Variants in RAD52 observed in about 807,000 individuals in gnomAD.
The protein encoded by RAD52 is DNA repair protein RAD52 homolog.
RAD52 carries 47 observed loss-of-function variants against 55.5 expected under a neutral mutation model. That is an observed-to-expected ratio of 0.85 (90% confidence interval 0.67 to 1.08). The LOEUF is 1.08. RAD52 is among the 50% of genes least tolerant of loss of function. RAD52 has a pLI of 0.00. For missense variants in RAD52, 468 were observed against 522.8 expected (o/e 0.90, Z 1.02); for synonymous variants, 184 against 198.9 (o/e 0.92, Z 0.63).
At chr12:955,778 GT>G (rs918829399) in intron 1 of RAD52, among the ~76,000 whole-genome samples, 35 of 149,952 alleles carry the variant, frequency 2.3e-4, no homozygotes, top group Non-Finnish European at 4.8e-4. Context: ...GGGCATTTTT[GT>G]TTTTTTTGTT....
intron 1 of RAD52, among the ~76,000 whole-genome samples, chr12:977,463 T>C (rs564340685): frequency 3.3e-5 from 5 of 152,348 alleles, no homozygotes; most frequent in African/African-American, 1.2e-4. Flanking sequence ...AACTCCACCA[T>C]TTCAAGTTCT....
At chr12:914,222 CT>C in intron 10 of RAD52, 101 bp from the exon 11 acceptor site, 1 of 1,306,464 alleles carries the variant, frequency 7.7e-7, no homozygotes, top group Non-Finnish European at 1.0e-6. Context: ...TCTTCAGTAC[CT>C]TCTGAAAGTT....
chr12:926,672 G>T, intron 6 of RAD52: 1 of 1,080,710 alleles, frequency 9.3e-7, no homozygotes, highest in Non-Finnish European at 1.3e-6. Flanking sequence ...ACAGTCCACA[G>T]AATCATAAGC....
At chr12:932,001 CTT>C (rs1957348130) in intron 2 of RAD52, among the ~76,000 whole-genome samples, 1 of 152,180 alleles carries the variant, frequency 6.6e-6, no homozygotes. Flanking sequence ...GCAAGAAACT[CTT>C]TTCTGTGCAC....
At chr12:973,974 A>C (rs1227766972) in intron 1 of RAD52, among the ~76,000 whole-genome samples, 1 of 151,852 alleles carries the variant, frequency 6.6e-6, no homozygotes, top group Non-Finnish European at 1.5e-5. Flanking sequence ...TGTGAGATGG[A>C]TTCTTGCCAT....
At chr12:961,699 A>G (rs1201282723) in intron 1 of RAD52, among the ~76,000 whole-genome samples, 1 of 151,864 alleles carries the variant, frequency 6.6e-6, no homozygotes, top group African/African-American at 2.4e-5. Context: ...TGTCTTTACT[A>G]AAAATACAAA....
rs1159800592 is a variant in RAD52, at chr12:912,447, G to A, written c.*944C>T. The A allele has an allele frequency of 5.0e-6, 1 of 198,802 alleles. No individual in the cohort carries two copies. Among genetic ancestry groups the A allele is most frequent in the African/African-American group, 2.3e-5 (1 of 43,316 alleles). The allele number at this position is 198,802 out of a possible 1,614,324, so 12.3% of individuals were successfully genotyped here. On this transcript the variant is annotated 3_prime_UTR_variant, in exon 12 of 12. Coordinates refer to ENST00000358495, the MANE Select transcript of RAD52 (RefSeq NM_134424.4). The stretch of plus-strand genomic sequence containing the variant: ...TTCAGACTTGGGTCCCATCCCCAAG[G>A]TCTCATTATGTGTATACAAATATTC...
intron 7 of RAD52, among the ~76,000 whole-genome samples, chr12:924,175 C>T (rs538553064): frequency 1.3e-5 from 2 of 152,042 alleles, no homozygotes; most frequent in Non-Finnish European, 2.9e-5. Flanking sequence ...TTTGGGAGGC[C>T]GAGGCAGGCG....
intron 1 of RAD52, among the ~76,000 whole-genome samples, chr12:958,114 C>T (rs1297873471): frequency 1.3e-5 from 2 of 152,240 alleles, no homozygotes; most frequent in African/African-American, 2.4e-5. Context: ...CATGGGGCTC[C>T]TCTCCATGTG....
Position 949,657 on chromosome 12 carries a change from G to C in RAD52, c.-74C>G, listed in dbSNP as rs1278271288. 6.6e-6 allele frequency: 1 copy of C among 152,328 alleles called. No individual in the cohort carries two copies. Among genetic ancestry groups the C allele is most frequent in the African/African-American group, 2.4e-5 (1 of 41,442 alleles). 9.4% of individuals were successfully genotyped at this position (152,328 alleles called of 1,614,324 possible). A position where few individuals can be genotyped will look rare whatever the true frequency, so the allele number is the denominator to read the frequency against. On this transcript the variant is annotated 5_prime_UTR_variant, in exon 1 of 12. Coordinates refer to ENST00000358495, the MANE Select transcript of RAD52 (RefSeq NM_134424.4). ...GAGCTCGATCTAGGCTATGGACAAG[G>C]GGAAGAGATCTTAGATGGAGGCCGC... is the stretch of plus-strand genomic sequence containing the variant.
chr12:946,865 CAACTA>C (rs1170976656), intron 1 of RAD52, among the ~76,000 whole-genome samples: 2 of 152,220 alleles, frequency 1.3e-5, no homozygotes, highest in Non-Finnish European at 2.9e-5. Context: ...CACTCATCTC[CAACTA>C]CACCGTTTAT....
At chr12:937,241 G>A (rs981436786) in intron 1 of RAD52, among the ~76,000 whole-genome samples, 35 of 152,206 alleles carry the variant, frequency 2.3e-4, no homozygotes, top group African/African-American at 8.2e-4. Context: ...ACTTCAAAAT[G>A]CACCCTTGAA....
chr12:931,675 G>A (rs1957332557), intron 2 of RAD52, among the ~76,000 whole-genome samples: 1 of 152,200 alleles, frequency 6.6e-6, no homozygotes, highest in South Asian at 2.1e-4. Context: ...TGCATTTTGA[G>A]AACTGCTGCC....
At chr12:945,764 C>T (rs73604294) in intron 1 of RAD52, among the ~76,000 whole-genome samples, 38,703 of 149,278 alleles carry the variant, frequency 0.26, 5,186 homozygotes, top group East Asian at 0.36. Flanking sequence ...TTGTGGGAAC[C>T]CAGTAATCCC....
chr12:941,323 A>AT (rs920290595), intron 1 of RAD52, among the ~76,000 whole-genome samples: 36 of 148,158 alleles, frequency 2.4e-4, no homozygotes, highest in Non-Finnish European at 2.7e-4. Flanking sequence ...AACTAAAAGA[A>AT]TTTTTTTTTT....
chr12:967,145 G>A (rs942558581), intron 1 of RAD52, among the ~76,000 whole-genome samples: 3 of 152,016 alleles, frequency 2.0e-5, no homozygotes, highest in African/African-American at 7.3e-5. Context: ...TTGGAAGGCC[G>A]AGGTGGGCAG....
At chr12:952,680 T>C (rs1414257495), upstream of RAD52, among the ~76,000 whole-genome samples, 2 of 151,068 alleles carry the variant, frequency 1.3e-5, no homozygotes, top group Non-Finnish European at 1.5e-5. Flanking sequence ...TTGACCAGCC[T>C]GGCCAGTTCG....
chr12:924,692 C>T (rs957683151), intron 7 of RAD52, among the ~76,000 whole-genome samples: 4 of 152,146 alleles, frequency 2.6e-5, no homozygotes, highest in African/African-American at 9.7e-5. Context: ...AAGGCAAAGG[C>T]TCAGATCACG....
intron 1 of RAD52, among the ~76,000 whole-genome samples, chr12:956,375 G>A (rs565791268): frequency 6.6e-6 from 1 of 152,132 alleles, no homozygotes; most frequent in Non-Finnish European, 1.5e-5. Flanking sequence ...TTTAACAAGG[G>A]GCCCTGTTTT....
Sources: gnomAD v4.1 joint callset for allele counts (sites outside exome capture counted in the v4.1 genomes callset) on GRCh38, gnomAD v4.1.1 for gene constraint, MANE v1.5 for transcripts, NCBI Gene and HGNC (gene_info 2026-07-23, HGNC 2026-07-21) for gene names.